The following PDE4D variants were observed in gnomAD, a reference collection of about 807,000 sequenced individuals.
PDE4D encodes phosphodiesterase 4D.
PDE4D carries 24 observed loss-of-function variants against 87.4 expected under a neutral mutation model. The ratio of observed to expected loss-of-function variants is 0.27; its 90% CI spans 0.20 to 0.39. PDE4D has a LOEUF of 0.39. Ranked by LOEUF, PDE4D falls within the 10% of genes least tolerant of loss-of-function variation. The pLI, the probability that PDE4D is intolerant of heterozygous loss-of-function variation, is 1.00. For missense variants in PDE4D, 714 were observed against 1,041.0 expected (o/e 0.69, Z 4.32); for synonymous variants, 384 against 383.2 (o/e 1.00, Z -0.02).
chr5:59,564,942 G>C (rs1042462797), intron 1 of PDE4D, among the ~76,000 whole-genome samples: 1 of 152,090 alleles, frequency 6.6e-6, no homozygotes. Flanking sequence ...GGAAGAGGAG[G>C]GTCTCACCAG....
chr5:60,113,863 A>G (rs1777904493), intron 2 of PDE4D, among the ~76,000 whole-genome samples: 1 of 152,106 alleles, frequency 6.6e-6, no homozygotes, highest in Non-Finnish European at 1.5e-5. Context: ...TCTAGAGGCC[A>G]CCTAAAACTG....
At chr5:60,218,222 T>C (rs899257862) in intron 1 of PDE4D, among the ~76,000 whole-genome samples, 1 of 152,020 alleles carries the variant, frequency 6.6e-6, no homozygotes, top group Non-Finnish European at 1.5e-5. Flanking sequence ...AGAATACACA[T>C]GAATCTCACA....
intron 1 of PDE4D, among the ~76,000 whole-genome samples, chr5:59,677,454 C>T (rs1748287015): frequency 6.6e-6 from 1 of 152,134 alleles, no homozygotes; most frequent in African/African-American, 2.4e-5. Flanking sequence ...CAACCTGAAC[C>T]ATCTAGGGCA....
chr5:60,366,715 C>T (rs1467977430), intron 1 of PDE4D, among the ~76,000 whole-genome samples: 1 of 152,230 alleles, frequency 6.6e-6, no homozygotes, highest in Non-Finnish European at 1.5e-5. Flanking sequence ...TGCACTTACT[C>T]ACCCCCTGCA....
chr5:59,668,845 GGAAGAA>G (rs1208323931), intron 1 of PDE4D, among the ~76,000 whole-genome samples: 2,004 of 61,394 alleles, frequency 0.033, 31 homozygotes, highest in Non-Finnish European at 0.04. Context: ...AAGAGGAAGA[GGAAGAA>G]GAAGAAGAAG....
At chr5:59,735,215 T>C (rs990485375) in intron 1 of PDE4D, among the ~76,000 whole-genome samples, 3 of 152,214 alleles carry the variant, frequency 2.0e-5, no homozygotes, top group Admixed American at 6.5e-5. Context: ...TTATGAAACA[T>C]AAATCTTAAA....
Position 59,690,985 on chromosome 5 carries a change from G to A in PDE4D, c.455+202183C>T, listed in dbSNP as rs189539670. Among the ~76,000 whole-genome samples the A allele has an allele frequency of 7.9e-5, 12 of 152,256 alleles. No individual in the cohort carries two copies. The East Asian group carries it at 2.3e-3, about 29-fold the overall frequency. On this transcript the variant is annotated intron_variant, in intron 1 of 14. Transcript: ENST00000340635. ...CATGAAAAAATGCTCATCATCACTT[G>A]GCCATCAGAGAAATGCAAATCAAAA...
chr5:59,127,613 A>ACCCCCCCC (rs1358070404), intron 5 of PDE4D, among the ~76,000 whole-genome samples: 4 of 25,064 alleles, frequency 1.6e-4, no homozygotes, highest in African/African-American at 4.5e-4. Context: ...CCACCCCCCC[A>ACCCCCCCC]CCCCCCACCT....
Position 59,154,071 on chromosome 5 carries a change from C to T in PDE4D, c.808+26524G>A, listed in dbSNP as rs144784060. Among the ~76,000 whole-genome samples the T allele has an allele frequency of 2.3e-4, 35 of 152,216 alleles. 1 individual carries two copies. In the East Asian group the frequency reaches 6.8e-3, roughly 29 times the overall value. ...GCTGGGCTGGAGAGGAGGTACAATA[C>T]ATATCTGGATAGGGGCTTTGGGTAC... On this transcript the variant is annotated intron_variant, in intron 5 of 14. Transcript: ENST00000340635.
intron 1 of PDE4D, among the ~76,000 whole-genome samples, chr5:60,278,022 C>A (rs930836773): frequency 6.6e-6 from 1 of 152,128 alleles, no homozygotes; most frequent in East Asian, 1.9e-4. Flanking sequence ...TTACCATGTT[C>A]TTTTGTCCTC....
chr5:60,212,292 C>A (rs1469522827), intron 1 of PDE4D, among the ~76,000 whole-genome samples: 1 of 152,034 alleles, frequency 6.6e-6, no homozygotes. Flanking sequence ...AAAATCATAA[C>A]TTTCTGTGAT....
chr5:59,295,258 T>C (rs76328119), intron 1 of PDE4D, among the ~76,000 whole-genome samples: 5,368 of 152,278 alleles, frequency 0.035, 103 homozygotes, highest in African/African-American at 0.051. Flanking sequence ...TTCAATTTTA[T>C]TTTAATAAAA....
intron 1 of PDE4D, among the ~76,000 whole-genome samples, chr5:59,332,524 A>T (rs1224093503): frequency 1.3e-5 from 2 of 152,140 alleles, no homozygotes; most frequent in Non-Finnish European, 2.9e-5. Flanking sequence ...AAAAAATCTT[A>T]GTTCTTCTCC....
chr5:60,102,266 T>A lies in PDE4D; in HGVS notation c.42+83291A>T, dbSNP rs187796016. Among the ~76,000 whole-genome samples, 701 of 152,256 alleles carry A rather than the reference T, an allele frequency of 4.6e-3. 4 individuals carry two copies. The highest frequency in any genetic ancestry group is 7.2e-3 in the Non-Finnish European group (491 of 68,002). ...CTTTTTTGCTTTTTTTTAGTTTTTTTAATTTTATTTTCAATACAGTGGGTA... is the reference window on the plus strand; with the variant it reads ...CTTTTTTGCTTTTTTTTAGTTTTTTAAATTTTATTTTCAATACAGTGGGTA... On this transcript the variant is annotated intron_variant, in intron 2 of 16. Coordinates refer to the PDE4D transcript ENST00000502484.
At chr5:59,096,388 A>T (rs1769718875) in intron 5 of PDE4D, among the ~76,000 whole-genome samples, 1 of 152,168 alleles carries the variant, frequency 6.6e-6, no homozygotes, top group Admixed American at 6.5e-5. Context: ...ATATGACTGC[A>T]CTTTTAGTGG....
chr5:60,216,056 G>T (rs1301104518), intron 1 of PDE4D, among the ~76,000 whole-genome samples: 2 of 152,102 alleles, frequency 1.3e-5, no homozygotes, highest in Non-Finnish European at 2.9e-5. Context: ...TCTTTTAAGG[G>T]TGATAATTTG....
At chr5:60,114,767 G>A (rs572872417) in intron 2 of PDE4D, among the ~76,000 whole-genome samples, 1 of 152,198 alleles carries the variant, frequency 6.6e-6, no homozygotes, top group Admixed American at 6.6e-5. Flanking sequence ...CACAGTGGAT[G>A]AGAAACAATA....
intron 1 of PDE4D, among the ~76,000 whole-genome samples, chr5:59,742,784 A>G (rs13182982): frequency 0.033 from 5,012 of 152,294 alleles, 122 homozygotes; most frequent in Non-Finnish European, 0.048. Context: ...ATATAGAAGT[A>G]TTCTTTCACA....
chr5:59,293,407 G>C (rs917232463), intron 1 of PDE4D, among the ~76,000 whole-genome samples: 2 of 152,106 alleles, frequency 1.3e-5, no homozygotes, highest in Admixed American at 1.3e-4. Context: ...CATTCCCAGA[G>C]ATGTAGTTTT....
Sources: allele counts gnomAD v4.1 joint callset (sites outside exome capture counted in the v4.1 genomes callset), GRCh38; gene constraint gnomAD v4.1.1; transcripts MANE v1.5; gene names NCBI Gene and HGNC (gene_info 2026-07-23, HGNC 2026-07-21).